Variants in KCNMA1 observed in about 807,000 individuals in gnomAD.
The protein encoded by KCNMA1 is Calcium-activated potassium channel subunit alpha-1.
Under a neutral mutation model 140.0 loss-of-function variants are expected in KCNMA1, and 29 were observed. The observed-to-expected ratio is 0.21, with a 90% CI of 0.15 to 0.28. The LOEUF (loss-of-function observed/expected upper bound fraction) is 0.28. Among genes scored for constraint, KCNMA1 ranks in the 10% least tolerant of loss-of-function variants. The pLI, the probability that KCNMA1 is intolerant of heterozygous loss-of-function variation, is 1.00. For missense variants in KCNMA1, 880 were observed against 1,602.2 expected, an observed-to-expected ratio of 0.55 and a Z score of 7.70; for synonymous variants, 612 against 611.9, an observed-to-expected ratio of 1.00 and a Z score of 0.00.
intron 9 of KCNMA1, among the ~76,000 whole-genome samples, chr10:77,100,806 T>A (rs11002014): frequency 2.6e-5 from 4 of 152,166 alleles, no homozygotes; most frequent in Non-Finnish European, 1.5e-5. Flanking sequence ...AAAGGAGCCA[T>A]TGATCAGAAT....
At chr10:77,210,240 G>C (rs1158005397) in intron 3 of KCNMA1, among the ~76,000 whole-genome samples, 1 of 152,190 alleles carries the variant, frequency 6.6e-6, no homozygotes, top group Non-Finnish European at 1.5e-5. Context: ...CTTTATCCCT[G>C]GGATGCAAGG....
At chr10:77,507,125 A>G (rs2046430659) in intron 1 of KCNMA1, among the ~76,000 whole-genome samples, 1 of 152,228 alleles carries the variant, frequency 6.6e-6, no homozygotes. Context: ...TCCATAGTCT[A>G]TAAAACATTT....
intron 25 of KCNMA1, among the ~76,000 whole-genome samples, chr10:76,909,081 AC>A (rs2048974669): frequency 6.6e-6 from 1 of 152,188 alleles, no homozygotes. Context: ...TCTCTCTGCC[AC>A]TAACTCCTCC....
intron 1 of KCNMA1, among the ~76,000 whole-genome samples, chr10:77,542,521 C>T (rs1021000036): frequency 2.6e-5 from 4 of 152,166 alleles, no homozygotes; most frequent in Non-Finnish European, 4.4e-5. Flanking sequence ...ATATAAATTT[C>T]TGTGGCCCTC....
rs189406779 is a variant in KCNMA1, at chr10:77,011,472, T to A, written c.2092+495A>T. On this transcript the variant is annotated intron_variant, in intron 18 of 27. Transcript: ENST00000286628. Reference sequence around the variant, plus strand: ...TTTTCTTGGGGGCAGTCTGAAGGTATCACAGTTGCCAACTCTGGCCTGTGG... The same window carrying A: ...TTTTCTTGGGGGCAGTCTGAAGGTAACACAGTTGCCAACTCTGGCCTGTGG... 3.0e-3 allele frequency among the ~76,000 whole-genome samples: 456 copies of A among 152,310 alleles called. 5 individuals carry two copies. The highest frequency in any genetic ancestry group is 0.024 in the Admixed American group (368 of 15,294).
At chr10:77,285,910 T>C (rs1185890622) in intron 2 of KCNMA1, among the ~76,000 whole-genome samples, 2 of 152,208 alleles carry the variant, frequency 1.3e-5, no homozygotes, top group African/African-American at 2.4e-5. Flanking sequence ...CTTAGCACAG[T>C]GCCTCTGTAA....
intron 20 of KCNMA1, among the ~76,000 whole-genome samples, chr10:76,954,447 T>C (rs2067428619): frequency 6.6e-6 from 1 of 152,224 alleles, no homozygotes; most frequent in Non-Finnish European, 1.5e-5. Context: ...GTGATGCTCT[T>C]CGCAGTAAAA....
intron 19 of KCNMA1, 120 bp downstream of exon 19, chr10:77,001,287 G>T: frequency 1.1e-6 from 1 of 908,680 alleles, no homozygotes; most frequent in Non-Finnish European, 1.8e-6. Flanking sequence ...GCACACAGGA[G>T]TTCACACTGG....
chr10:77,246,944 T>G (rs1006432537), intron 3 of KCNMA1, among the ~76,000 whole-genome samples: 6 of 152,234 alleles, frequency 3.9e-5, no homozygotes, highest in African/African-American at 9.6e-5. Flanking sequence ...ACTGGCAAAA[T>G]CAGCAAGTGC....
chr10:77,615,193 A>G (rs908958536), intron 1 of KCNMA1, among the ~76,000 whole-genome samples: 2 of 152,172 alleles, frequency 1.3e-5, no homozygotes, highest in Non-Finnish European at 2.9e-5. Context: ...CTGGGTCTGG[A>G]GCCTGGCCTT....
intron 3 of KCNMA1, among the ~76,000 whole-genome samples, chr10:77,218,715 C>T (rs1377920829): frequency 6.6e-6 from 1 of 152,044 alleles, no homozygotes; most frequent in Non-Finnish European, 1.5e-5. Flanking sequence ...GAGACAGAGT[C>T]TCACTCCATC....
rs1675233924 is a variant in KCNMA1 at position 76,886,257 on chromosome 10, G to T, written c.*1009C>A. 2 of 985,176 alleles carry T rather than the reference G, an allele frequency of 2.0e-6. No individual in the cohort carries two copies. Among genetic ancestry groups the T allele is most frequent in the South Asian group, 9.4e-5 (2 of 21,280 alleles). The allele number at this position is 985,176 out of a possible 1,614,324, so 61.0% of individuals were successfully genotyped here. On this transcript the variant is annotated 3_prime_UTR_variant, in exon 28 of 28. Coordinates refer to ENST00000286628, the MANE Select transcript of KCNMA1 (RefSeq NM_001161352.2). ...CTAATCAAACAAAGGGGAGTAAAAAGATCCCCTGAGAATGCATGGAAAAAT... is the reference window on the plus strand; with the variant it reads ...CTAATCAAACAAAGGGGAGTAAAAATATCCCCTGAGAATGCATGGAAAAAT...
At chr10:77,567,980 C>G (rs566231827) in intron 1 of KCNMA1, among the ~76,000 whole-genome samples, 3 of 152,282 alleles carry the variant, frequency 2.0e-5, no homozygotes, top group African/African-American at 4.8e-5. Context: ...ACTAGAAAAT[C>G]TAGAAGAAAT....
At chr10:77,320,041 G>A (rs1187305727) in intron 2 of KCNMA1, among the ~76,000 whole-genome samples, 2 of 152,158 alleles carry the variant, frequency 1.3e-5, no homozygotes, top group Non-Finnish European at 2.9e-5. Context: ...ACCAAGGTGG[G>A]CACTCACCAA....
chr10:77,080,494 G>A (rs1013451199), intron 12 of KCNMA1, among the ~76,000 whole-genome samples: 2 of 152,198 alleles, frequency 1.3e-5, no homozygotes, highest in African/African-American at 4.8e-5. Flanking sequence ...GCTATCCTGA[G>A]GGGTTGCAGA....
At chr10:77,401,088 C>A (rs58610929) in intron 2 of KCNMA1, among the ~76,000 whole-genome samples, 1 of 151,692 alleles carries the variant, frequency 6.6e-6, no homozygotes, top group Admixed American at 6.6e-5. Context: ...CCACTTGTCC[C>A]CCAGCTCTCT....
intron 1 of KCNMA1, among the ~76,000 whole-genome samples, chr10:77,582,996 A>C (rs1353342330): frequency 6.6e-6 from 1 of 152,186 alleles, no homozygotes; most frequent in African/African-American, 2.4e-5. Flanking sequence ...TTACGAGAGC[A>C]TCTCCCTCCC....
At chr10:77,588,888 C>T (rs115093699) in intron 1 of KCNMA1, among the ~76,000 whole-genome samples, 255 of 152,316 alleles carry the variant, frequency 1.7e-3, no homozygotes, top group African/African-American at 5.7e-3. Flanking sequence ...GCAAGATAAA[C>T]GGAGTGCCGT....
intron 2 of KCNMA1, among the ~76,000 whole-genome samples, chr10:77,273,366 A>G (rs764028990): frequency 6.6e-5 from 10 of 152,340 alleles, no homozygotes; most frequent in Non-Finnish European, 1.5e-4. Context: ...GGGAAAAAAA[A>G]TCCAGTAAAG....
Sources: allele counts gnomAD v4.1 joint callset (sites outside exome capture counted in the v4.1 genomes callset), GRCh38; gene constraint gnomAD v4.1.1; transcripts MANE v1.5; gene names NCBI Gene and HGNC (gene_info 2026-07-23, HGNC 2026-07-21).